VPS26A: variants seen among roughly 807,000 people sequenced by gnomAD.
VPS26A encodes the protein VPS26 retromer complex component A.
A neutral mutation model predicts 42.4 loss-of-function variants in VPS26A; 22 were observed. The ratio of observed to expected loss-of-function variants is 0.52; its 90% CI spans 0.37 to 0.74. The LOEUF is 0.74. VPS26A is among the 30% of genes least tolerant of loss of function. The pLI is 0.00. For synonymous variants in VPS26A, 110 were observed against 123.5 expected, an observed-to-expected ratio of 0.89 and a Z score of 0.73; for missense variants, 276 against 379.2, an observed-to-expected ratio of 0.73 and a Z score of 2.26.
chr10:69,150,821 A>G (rs752541515), intron 2 of VPS26A, among the ~76,000 whole-genome samples: 4 of 152,208 alleles, frequency 2.6e-5, no homozygotes, highest in Non-Finnish European at 5.9e-5. Context: ...ATGTAGAGAG[A>G]TGATGATAAA....
chr10:69,137,785 C>T (rs2132196604), intron 2 of VPS26A, among the ~76,000 whole-genome samples: 1 of 151,890 alleles, frequency 6.6e-6, no homozygotes, highest in East Asian at 1.9e-4. Flanking sequence ...TCTTAGAATT[C>T]TGCCTACCAC....
intron 2 of VPS26A, among the ~76,000 whole-genome samples, chr10:69,154,888 C>T (rs529732190): frequency 9.3e-5 from 14 of 150,708 alleles, no homozygotes; most frequent in Admixed American, 7.9e-4. Flanking sequence ...TGTGTGCGCG[C>T]ACGCGCACGT....
intron 2 of VPS26A, among the ~76,000 whole-genome samples, chr10:69,138,732 A>C (rs1438172792): frequency 6.6e-6 from 1 of 152,168 alleles, no homozygotes; most frequent in Non-Finnish European, 1.5e-5. Context: ...TGAAAATTAG[A>C]AGTTTTTACT....
intron 6 of VPS26A, among the ~76,000 whole-genome samples, chr10:69,164,223 C>CTTT (rs756313883): frequency 0.16 from 22,468 of 144,470 alleles, 2,272 homozygotes; most frequent in Non-Finnish European, 0.22. Flanking sequence ...CCCCCTCCAC[C>CTTT]TTTTTTTTTT....
In VPS26A at chr10:69,157,143, C is replaced by A; in HGVS notation, c.366C>A (p.Ile122=). ...MQVEKPYESY[I]GANVRLRYFL... is the part of the protein sequence containing the mutation. ...TTGAAAAGCCATATGAATCTTACAT[C>A]GGTGCCAATGTCCGCTTGAGGTATG... Residue 122 remains isoleucine (I), a synonymous_variant, in exon 4 of 9, where the codon ATC becomes ATA. Transcript: ENST00000263559. 1 of 1,612,548 alleles carries A rather than the reference C, an allele frequency of 6.2e-7. No homozygotes were observed. The highest frequency in any genetic ancestry group is 8.5e-7 in the Non-Finnish European group (1 of 1,179,364).
At chr10:69,138,188 GTTA>G (rs1840962775) in intron 2 of VPS26A, among the ~76,000 whole-genome samples, 1 of 152,084 alleles carries the variant, frequency 6.6e-6, no homozygotes, top group South Asian at 2.1e-4. Context: ...TGTAGCATTT[GTTA>G]TTAGTATATC....
At chr10:69,144,242 A>G (rs1457979616) in intron 2 of VPS26A, among the ~76,000 whole-genome samples, 1 of 152,184 alleles carries the variant, frequency 6.6e-6, no homozygotes, top group Non-Finnish European at 1.5e-5. Flanking sequence ...AAAATTGTTG[A>G]ACCATTATTA....
At chr10:69,161,619 T>G (rs1282653949) in intron 5 of VPS26A, 2 of 276,574 alleles carry the variant, frequency 7.2e-6, no homozygotes, top group South Asian at 4.2e-5. Context: ...AACAACCACT[T>G]TACGGGGTTT....
chr10:69,171,396 C>T lies in VPS26A; in HGVS notation c.*127C>T. ...CAAAACTCCATATATGTTAGTCTTC[C>T]TTTATCTTACAGCGCAGCATTTATT... On this transcript the variant is annotated 3_prime_UTR_variant, in exon 9 of 9. Coordinates refer to ENST00000263559, the MANE Select transcript of VPS26A (RefSeq NM_004896.5). 2 of 677,406 alleles carry T rather than the reference C, an allele frequency of 3.0e-6. No homozygotes were observed. Among genetic ancestry groups the T allele is most frequent in the South Asian group, 3.7e-5 (2 of 54,344 alleles). The allele number at this position is 677,406 out of a possible 1,614,324, so 42.0% of individuals were successfully genotyped here.
chr10:69,171,167 A>G lies in VPS26A; in HGVS notation c.882A>G (p.Leu294=), dbSNP rs61741103. The G allele has an allele frequency of 6.2e-7, 1 of 1,610,626 alleles. No individual in the cohort carries two copies. Among genetic ancestry groups the G allele is most frequent in the African/African-American group, 1.3e-5 (1 of 74,800 alleles). The change falls in exon 9 of 9, where the codon TTA becomes TTG. Residue 294 remains leucine (L), a synonymous_variant. Transcript: ENST00000263559. ...CATTTGTTTACTAGGAGATAATTTT[A>G]TGGAGAAAAGCTCCTGAAAAACTGA... The part of the protein sequence containing the change: ...RRYFKQQEII[L]WRKAPEKLRK...
At position 69,171,218 on chromosome 10, in the gene VPS26A, G is replaced by C; in HGVS notation, c.933G>C (p.Gln311His). ...GGAAACAGAGAACAAACTTTCACCA[G>C]CGATTTGAATCTCCAGAATCACAGG... ...KLRKQRTNFH[Q>H]RFESPESQAS... is the part of the protein sequence containing the mutation. Residue 311 changes from glutamine to histidine, a missense_variant, in exon 9 of 9, where the codon CAG (glutamine) becomes CAC (histidine). Transcript: ENST00000263559. The C allele has an allele frequency of 6.2e-6, 10 of 1,613,872 alleles. No individual in the cohort carries two copies. Among genetic ancestry groups the C allele is most frequent in the Non-Finnish European group, 8.5e-6 (10 of 1,179,948 alleles).
At chr10:69,150,299 G>A (rs992253318) in intron 2 of VPS26A, among the ~76,000 whole-genome samples, 3 of 149,714 alleles carry the variant, frequency 2.0e-5, no homozygotes, top group African/African-American at 4.9e-5. Context: ...GAAGCGGTCC[G>A]CTCACCTCAG....
chr10:69,134,537 A>G (rs1440029609), intron 2 of VPS26A, among the ~76,000 whole-genome samples: 1 of 152,236 alleles, frequency 6.6e-6, no homozygotes, highest in Admixed American at 6.5e-5. Flanking sequence ...TTTTCACCCA[A>G]GGCAGCATTG....
At chr10:69,163,766 C>CTTTTTTT (rs869154106) in intron 6 of VPS26A, among the ~76,000 whole-genome samples, 2 of 133,608 alleles carry the variant, frequency 1.5e-5, no homozygotes, top group Admixed American at 7.4e-5. Flanking sequence ...TTTCAGTTTT[C>CTTTTTTT]TTTTTTTTTT....
At chr10:69,126,229 G>C (rs1373182971) in intron 1 of VPS26A, among the ~76,000 whole-genome samples, 1 of 77,332 alleles carries the variant, frequency 1.3e-5, no homozygotes, top group African/African-American at 3.2e-5. Context: ...GGGAGGCCGA[G>C]GTGGGCGGAT....
intron 2 of VPS26A, among the ~76,000 whole-genome samples, chr10:69,149,217 C>CA (rs760435944): frequency 3.3e-5 from 5 of 152,136 alleles, no homozygotes; most frequent in Non-Finnish European, 7.4e-5. Flanking sequence ...AAATTAACAT[C>CA]AATCAGTATT....
chr10:69,132,603 C>T (rs1014508794), intron 1 of VPS26A, among the ~76,000 whole-genome samples: 47 of 151,950 alleles, frequency 3.1e-4, no homozygotes, highest in Non-Finnish European at 6.2e-4. Context: ...CCACCACGCC[C>T]GGCTAATTTT....
chr10:69,149,734 G>GTTTTTTTTTTT lies in VPS26A; in HGVS notation c.154-6058_154-6048dup, dbSNP rs869048277. On this transcript the variant is annotated intron_variant, in intron 2 of 8. Transcript: ENST00000263559. ...AATGTTAACTTTCTTGGTGTTTTTTGTTTTTTTTTTTTTTTTTTTTTTTTT... is the reference window on the plus strand; with the variant it reads ...AATGTTAACTTTCTTGGTGTTTTTTGTTTTTTTTTTTTTTTTTTTTTTTTTTTTTTTTTTTT... Among the ~76,000 whole-genome samples, 49 of 21,386 alleles carry GTTTTTTTTTTT rather than the reference G, an allele frequency of 2.3e-3. 4 individuals carry two copies. Among genetic ancestry groups the GTTTTTTTTTTT allele is most frequent in the African/African-American group, 4.1e-3 (45 of 10,976 alleles). The allele number at this position is 21,386 out of a possible 152,430, so 14.0% of individuals were successfully genotyped here.
At chr10:69,149,659 T>G (rs1841247198) in intron 2 of VPS26A, among the ~76,000 whole-genome samples, 1 of 150,832 alleles carries the variant, frequency 6.6e-6, no homozygotes, top group Non-Finnish European at 1.5e-5. Flanking sequence ...TCTGAGCCAC[T>G]GTGCCTGTCC....
Sources: allele counts gnomAD v4.1 joint callset (sites outside exome capture counted in the v4.1 genomes callset), GRCh38; gene constraint gnomAD v4.1.1; transcripts MANE v1.5; gene names NCBI Gene and HGNC (gene_info 2026-07-23, HGNC 2026-07-21).